The following TM9SF4 variants were observed in gnomAD, a reference collection of about 807,000 sequenced individuals.
TM9SF4 encodes the protein dinucleotide oxidase disulfide thiol exchanger 3 superfamily member 4.
In TM9SF4, 26 loss-of-function variants were observed where a neutral mutation model predicts 90.4. That is an observed-to-expected ratio of 0.29 (90% confidence interval 0.21 to 0.40). The LOEUF is 0.40. TM9SF4 is among the 10% of genes least tolerant of loss of function. The pLI is 1.00. For synonymous variants in TM9SF4, 293 were observed against 315.4 expected (o/e 0.93, Z 0.75); for missense variants, 549 against 834.8 (o/e 0.66, Z 4.22).
At chr20:32,114,479 C>T (rs1385981865) in intron 1 of TM9SF4, among the ~76,000 whole-genome samples, 1 of 152,152 alleles carries the variant, frequency 6.6e-6, no homozygotes, top group African/African-American at 2.4e-5. Flanking sequence ...TACAGGCACG[C>T]ACCACATCCA....
intron 10 of TM9SF4, among the ~76,000 whole-genome samples, chr20:32,150,298 G>A (rs571614117): frequency 6.6e-6 from 1 of 152,252 alleles, no homozygotes; most frequent in African/African-American, 2.4e-5. Flanking sequence ...TGGTAAGGTG[G>A]ATTCAGAGAC....
At chr20:32,116,164 A>G (rs1405535505) in intron 1 of TM9SF4, 1 of 152,138 alleles carries the variant, frequency 6.6e-6, no homozygotes, top group East Asian at 1.9e-4. Context: ...GGCATTAAGT[A>G]CGTTTACACA....
intron 1 of TM9SF4, among the ~76,000 whole-genome samples, chr20:32,121,882 T>C (rs1401004757): frequency 7.5e-6 from 1 of 133,672 alleles, no homozygotes; most frequent in African/African-American, 2.9e-5. Flanking sequence ...GGCGGGGGGC[T>C]GACCCCCCCA....
intron 9 of TM9SF4, 126 bp downstream of exon 9, chr20:32,146,981 A>ATT: frequency 1.2e-6 from 1 of 818,852 alleles, no homozygotes; most frequent in South Asian, 2.1e-5. Flanking sequence ...AGTTTAGTAT[A>ATT]CTTTTTTTTT....
chr20:32,123,926 A>G (rs6089184), intron 1 of TM9SF4, among the ~76,000 whole-genome samples: 14,400 of 146,042 alleles, frequency 0.099, 1,576 homozygotes, highest in African/African-American at 0.26. Context: ...GCAGTGGCAC[A>G]ATCATAGCTC....
At chr20:32,155,556 G>A (rs545922719) in intron 13 of TM9SF4, among the ~76,000 whole-genome samples, 1 of 152,326 alleles carries the variant, frequency 6.6e-6, no homozygotes, top group South Asian at 2.1e-4. Context: ...CAGTGTCCCT[G>A]CCCCTCAGCA....
At chr20:32,152,168 C>T (rs770548223) in intron 12 of TM9SF4, among the ~76,000 whole-genome samples, 2 of 152,030 alleles carry the variant, frequency 1.3e-5, no homozygotes, top group Non-Finnish European at 2.9e-5. Flanking sequence ...CCACGCCCAG[C>T]CAACTTCCTG....
rs1037829145 is a variant in TM9SF4, at chr20:32,141,334, G to A, written c.230-163G>A. 3.3e-5 allele frequency among the ~76,000 whole-genome samples: 5 copies of A among 151,838 alleles called. No homozygotes were observed. In the South Asian group the frequency reaches 8.3e-4, roughly 25 times the overall value. ...TGGCAGGTCGAGGTTAGCTGGGACC[G>A]TTGGGCGTGAAGCAATGGGAAGGGC... is the stretch of plus-strand genomic sequence containing the variant. On this transcript the variant is annotated intron_variant, in intron 3 of 17. Transcript: ENST00000398022.
intron 1 of TM9SF4, among the ~76,000 whole-genome samples, chr20:32,125,725 C>G (rs1398902708): frequency 6.9e-6 from 1 of 145,958 alleles, no homozygotes; most frequent in African/African-American, 2.5e-5. Context: ...CGCTTTGTCA[C>G]CCAGGCTGGA....
chr20:32,151,579 GACGC>G, intron 12 of TM9SF4, among the ~76,000 whole-genome samples: 1 of 152,208 alleles, frequency 6.6e-6, no homozygotes, highest in Non-Finnish European at 1.5e-5. Context: ...TTCTGGCTGC[GACGC>G]TTCTGGCACA....
chr20:32,137,621 C>G (rs1275373949), intron 3 of TM9SF4, among the ~76,000 whole-genome samples: 1 of 152,200 alleles, frequency 6.6e-6, no homozygotes, highest in Admixed American at 6.5e-5. Context: ...AGCCCAGTGC[C>G]TGACACATAG....
chr20:32,113,026 A>T (rs543986983), intron 1 of TM9SF4, among the ~76,000 whole-genome samples: 7 of 152,146 alleles, frequency 4.6e-5, no homozygotes, highest in Non-Finnish European at 1.0e-4. Context: ...CCACACCCTC[A>T]TACACACCCT....
chr20:32,131,944 G>A lies in TM9SF4; in HGVS notation c.16-1069G>A, dbSNP rs1380865303. Among the ~76,000 whole-genome samples, 4 of 152,148 alleles carry A rather than the reference G, an allele frequency of 2.6e-5. 1 individual carries two copies. The highest frequency in any genetic ancestry group is 4.1e-4 in the South Asian group (2 of 4,828). ...TCAAGGGTAGGGGGACATGCAATAC[G>A]CAAATAAACATATACATATAGTACA... On this transcript the variant is annotated intron_variant, in intron 1 of 17. Coordinates refer to ENST00000398022, the MANE Select transcript of TM9SF4 (RefSeq NM_014742.4).
intron 1 of TM9SF4, among the ~76,000 whole-genome samples, chr20:32,111,605 A>T (rs1263712071): frequency 6.6e-6 from 1 of 152,236 alleles, no homozygotes; most frequent in African/African-American, 2.4e-5. Flanking sequence ...TCACCAGTAG[A>T]TGCTGTGAGG....
At chr20:32,158,043 C>T (rs1456391482) in intron 14 of TM9SF4, 74 bp downstream of exon 14, 23 of 1,572,548 alleles carry the variant, frequency 1.5e-5, no homozygotes, top group Admixed American at 3.5e-5. Context: ...CAGAAGGGTG[C>T]GGCAACCAGA....
chr20:32,111,521 G>T (rs1456477791), intron 1 of TM9SF4, among the ~76,000 whole-genome samples: 1 of 151,838 alleles, frequency 6.6e-6, no homozygotes, highest in Non-Finnish European at 1.5e-5. Flanking sequence ...CAGGGTCAAG[G>T]TCCCTACACT....
At chr20:32,147,942 GTC>G (rs1400728530) in intron 9 of TM9SF4, among the ~76,000 whole-genome samples, 3 of 151,466 alleles carry the variant, frequency 2.0e-5, no homozygotes, top group Non-Finnish European at 4.4e-5. Flanking sequence ...GTGAAAACCT[GTC>G]TCTACTAAAA....
chr20:32,127,945 G>C (rs1306532949), intron 1 of TM9SF4, among the ~76,000 whole-genome samples: 1 of 152,224 alleles, frequency 6.6e-6, no homozygotes, highest in African/African-American at 2.4e-5. Context: ...GAGACATTCA[G>C]AACACAGGTT....
chr20:32,129,865 G>A (rs1279025207), intron 1 of TM9SF4, among the ~76,000 whole-genome samples: 2 of 152,104 alleles, frequency 1.3e-5, no homozygotes, highest in African/African-American at 2.4e-5. Flanking sequence ...AGGATTATAG[G>A]CATGAGCTAC....
Sources: allele counts gnomAD v4.1 joint callset (sites outside exome capture counted in the v4.1 genomes callset), GRCh38; gene constraint gnomAD v4.1.1; transcripts MANE v1.5; gene names NCBI Gene and HGNC (gene_info 2026-07-23, HGNC 2026-07-21).